Variants in PLCXD3 observed in about 807,000 individuals in gnomAD.
PLCXD3 encodes PI-PLC X domain-containing protein 3.
A neutral mutation model predicts 25.5 loss-of-function variants in PLCXD3; 19 were observed. That is an observed-to-expected ratio of 0.75 (90% CI 0.52 to 1.09). The LOEUF is 1.09. Among genes scored for constraint, PLCXD3 ranks in the 50% least tolerant of loss-of-function variants. The probability of loss-of-function intolerance (pLI) is 0.00; values close to 1 mark genes in which losing one functional copy is unlikely to be tolerated. For missense variants in PLCXD3, 411 were observed against 388.1 expected (o/e 1.06, Z -0.50); for synonymous variants, 174 against 137.6 (o/e 1.26, Z -1.85).
At position 41,428,374 on chromosome 5, in the gene PLCXD3, G is replaced by GTTTTTTTTTTTTTTTT. The variant is rs373244601; in HGVS notation, c.104-45841_104-45840insAAAAAAAAAAAAAAAA. Among the ~76,000 whole-genome samples, 6 of 91,600 alleles carry GTTTTTTTTTTTTTTTT rather than the reference G, an allele frequency of 6.6e-5. 3 individuals carry two copies. The highest frequency in any genetic ancestry group is 9.3e-5 in the Non-Finnish European group (4 of 43,082). 60.1% of individuals were successfully genotyped at this position (91,600 alleles called of 152,430 possible). On this transcript the variant is annotated intron_variant, in intron 1 of 2. Coordinates refer to ENST00000377801, the MANE Select transcript of PLCXD3 (RefSeq NM_001005473.3). ...TAAAGAGGTGATTAAGTTAAAATGA[G>GTTTTTTTTTTTTTTTT]TTTTTTTGTTTTTGTTTTTGTTTTT...
chr5:41,492,809 G>A (rs1748735021), intron 1 of PLCXD3, among the ~76,000 whole-genome samples: 2 of 152,110 alleles, frequency 1.3e-5, no homozygotes, highest in Admixed American at 6.5e-5. Flanking sequence ...TCTCTGTATT[G>A]GTTATTCTAG....
intron 1 of PLCXD3, among the ~76,000 whole-genome samples, chr5:41,431,809 C>T (rs1747115698): frequency 1.3e-5 from 2 of 152,122 alleles, no homozygotes; most frequent in African/African-American, 4.8e-5. Context: ...CAGTTAATTT[C>T]AGAATTCAAA....
At chr5:41,316,734 C>G (rs1044103957) in intron 2 of PLCXD3, among the ~76,000 whole-genome samples, 5 of 152,144 alleles carry the variant, frequency 3.3e-5, no homozygotes, top group South Asian at 2.1e-4. Context: ...CTCATCATGG[C>G]TAGGGTGGTG....
intron 2 of PLCXD3, among the ~76,000 whole-genome samples, chr5:41,330,255 A>G (rs1455326128): frequency 6.6e-6 from 1 of 152,214 alleles, no homozygotes; most frequent in African/African-American, 2.4e-5. Context: ...AAAAAATGAT[A>G]AAGGGGATAT....
At chr5:41,327,903 T>A (rs1348443487) in intron 2 of PLCXD3, among the ~76,000 whole-genome samples, 1 of 152,154 alleles carries the variant, frequency 6.6e-6, no homozygotes, top group African/African-American at 2.4e-5. Context: ...ACTCCCGGAC[T>A]CAAGCGATCC....
At chr5:41,334,168 G>C (rs1743913101) in intron 2 of PLCXD3, among the ~76,000 whole-genome samples, 1 of 152,094 alleles carries the variant, frequency 6.6e-6, no homozygotes, top group Non-Finnish European at 1.5e-5. Flanking sequence ...CTAGAGTAGA[G>C]TAATGTACTT....
chr5:41,343,070 A>G (rs1389136244), intron 2 of PLCXD3, among the ~76,000 whole-genome samples: 1 of 152,136 alleles, frequency 6.6e-6, no homozygotes, highest in Non-Finnish European at 1.5e-5. Flanking sequence ...AGTGATAATT[A>G]ACTCATTATC....
chr5:41,470,224 G>T (rs1225378967), intron 1 of PLCXD3, among the ~76,000 whole-genome samples: 1 of 152,130 alleles, frequency 6.6e-6, no homozygotes, highest in Non-Finnish European at 1.5e-5. Flanking sequence ...AGAAGACAAA[G>T]ATACATCAAT....
At chr5:41,365,440 G>A (rs998527939) in intron 2 of PLCXD3, among the ~76,000 whole-genome samples, 9 of 152,262 alleles carry the variant, frequency 5.9e-5, no homozygotes, top group Admixed American at 3.3e-4. Context: ...TTAGTACACA[G>A]TTGCAAGCAA....
At chr5:41,413,086 TAC>T (rs1299966455) in intron 1 of PLCXD3, among the ~76,000 whole-genome samples, 1 of 152,238 alleles carries the variant, frequency 6.6e-6, no homozygotes, top group Non-Finnish European at 1.5e-5. Context: ...TTTATTGTAT[TAC>T]ACTTACTAGA....
chr5:41,470,313 T>A (rs1231412737), intron 1 of PLCXD3, among the ~76,000 whole-genome samples: 1 of 151,850 alleles, frequency 6.6e-6, no homozygotes, highest in East Asian at 1.9e-4. Flanking sequence ...GTTCTACTGC[T>A]CTCCAGAAGG....
intron 2 of PLCXD3, among the ~76,000 whole-genome samples, chr5:41,337,272 A>T (rs934666219): frequency 1.3e-5 from 2 of 152,130 alleles, no homozygotes; most frequent in Non-Finnish European, 2.9e-5. Context: ...CTCAGCCAGG[A>T]TTTCTCTCTG....
At chr5:41,348,180 T>TAAATA (rs1744355111) in intron 2 of PLCXD3, among the ~76,000 whole-genome samples, 1 of 152,238 alleles carries the variant, frequency 6.6e-6, no homozygotes, top group Non-Finnish European at 1.5e-5. Flanking sequence ...GAGGAGTAGC[T>TAAATA]GCTCTGGATG....
chr5:41,404,925 T>C (rs886958310), intron 1 of PLCXD3, among the ~76,000 whole-genome samples: 5 of 152,166 alleles, frequency 3.3e-5, no homozygotes, highest in Non-Finnish European at 5.9e-5. Flanking sequence ...AATTCAGGCT[T>C]TGACTCAGTT....
intron 2 of PLCXD3, among the ~76,000 whole-genome samples, chr5:41,317,893 C>T (rs1291653848): frequency 6.6e-6 from 1 of 151,826 alleles, no homozygotes; most frequent in Non-Finnish European, 1.5e-5. Context: ...AAAGACAAAT[C>T]TAAGAGTTAT....
chr5:41,407,311 A>G (rs1746381187), intron 1 of PLCXD3, among the ~76,000 whole-genome samples: 2 of 152,212 alleles, frequency 1.3e-5, no homozygotes. Flanking sequence ...TGAAAATAAT[A>G]TTAAATCTCA....
chr5:41,340,294 G>A (rs762408153), intron 2 of PLCXD3, among the ~76,000 whole-genome samples: 2 of 152,120 alleles, frequency 1.3e-5, no homozygotes, highest in Non-Finnish European at 2.9e-5. Flanking sequence ...ACATGATACT[G>A]TGAAATGACT....
Position 41,309,861 on chromosome 5 carries a change from T to C in PLCXD3, c.*3756A>G, listed in dbSNP as rs1049453546. The C allele has an allele frequency of 4.6e-5, 7 of 152,176 alleles. No homozygotes were observed. Among genetic ancestry groups the C allele is most frequent in the African/African-American group, 1.2e-4 (5 of 41,462 alleles). 9.4% of individuals were successfully genotyped at this position (152,176 alleles called of 1,614,324 possible). A position where few individuals can be genotyped will look rare whatever the true frequency, so the allele number is the denominator to read the frequency against. ...ATTGGTTTTCTAGTTACTTTTCTCC[T>C]CTTAAATATTTAAATATTTGAATTA... On this transcript the variant is annotated 3_prime_UTR_variant, in exon 3 of 3. Coordinates refer to ENST00000377801, the MANE Select transcript of PLCXD3 (RefSeq NM_001005473.3).
At chr5:41,346,900 A>G (rs13179463) in intron 2 of PLCXD3, among the ~76,000 whole-genome samples, 10,484 of 152,268 alleles carry the variant, frequency 0.069, 505 homozygotes, top group Middle Eastern at 0.13. Context: ...ACCGAAGTAC[A>G]TCTTGTTTGC....
Sources: gnomAD v4.1 joint callset for allele counts (sites outside exome capture counted in the v4.1 genomes callset) on GRCh38, gnomAD v4.1.1 for gene constraint, MANE v1.5 for transcripts, NCBI Gene and HGNC (gene_info 2026-07-23, HGNC 2026-07-21) for gene names.